The following ZNF790 variants were observed in gnomAD, a reference collection of about 807,000 sequenced individuals.
ZNF790 encodes zinc finger protein 790.
ZNF790 carries 8 observed loss-of-function variants against 12.1 expected under a neutral mutation model. That is an observed-to-expected ratio of 0.66 (90% confidence interval 0.39 to 1.19). The LOEUF (loss-of-function observed/expected upper bound fraction) is 1.19. Among genes scored for constraint, ZNF790 ranks in the 50% most tolerant of loss-of-function variants. The pLI, the probability that ZNF790 is intolerant of heterozygous loss-of-function variation, is 0.01. For missense variants in ZNF790, 707 were observed against 752.2 expected, an observed-to-expected ratio of 0.94 and a Z score of 0.70; for synonymous variants, 252 against 244.3, an observed-to-expected ratio of 1.03 and a Z score of -0.29.
chr19:36,820,014 G>A lies in ZNF790; in HGVS notation c.330C>T (p.His110=), dbSNP rs377686143. The change falls in exon 5 of 5, where the codon CAC becomes CAT. Residue 110 remains histidine, a synonymous_variant. Coordinates refer to ENST00000356725, the MANE Select transcript of ZNF790 (RefSeq NM_206894.4). ...CTCTAAAACATAAACAGTCAAGGCT[G>A]TGGTTTTTACAAATTCTCATTATTT... ...QLEIMRICKN[H]SLDCLCFRGD... The A allele has an allele frequency of 2.5e-5, 41 of 1,613,722 alleles. No individual in the cohort carries two copies. The African/African-American group carries it at 5.1e-4, about 20-fold the overall frequency.
chr19:36,845,485 T>C (rs2072172225), intron 1 of ZNF790, among the ~76,000 whole-genome samples: 2 of 151,774 alleles, frequency 1.3e-5, no homozygotes, highest in African/African-American at 2.4e-5. Flanking sequence ...GAATATTGAC[T>C]GCACAAAGTA....
chr19:36,835,409 G>A (rs1175612146), intron 1 of ZNF790, among the ~76,000 whole-genome samples: 3 of 152,190 alleles, frequency 2.0e-5, no homozygotes, highest in Non-Finnish European at 2.9e-5. Flanking sequence ...AGTTCACTAA[G>A]TTCCAAAGTT....
At chr19:36,823,917 CTG>C (rs2071733788) in intron 2 of ZNF790, 127 bp from the exon 3 acceptor site, 1 of 693,564 alleles carries the variant, frequency 1.4e-6, no homozygotes. Flanking sequence ...GGGCGAAAAA[CTG>C]GAGTTGGCTG....
At chr19:36,821,112 A>G (rs926637580) in intron 4 of ZNF790, among the ~76,000 whole-genome samples, 2 of 146,676 alleles carry the variant, frequency 1.4e-5, no homozygotes, top group African/African-American at 2.5e-5. Context: ...TTCAAGGGAG[A>G]AGGAGTCTGG....
intron 1 of ZNF790, among the ~76,000 whole-genome samples, chr19:36,845,063 A>AG (rs1184157591): frequency 2.0e-5 from 3 of 149,792 alleles, no homozygotes; most frequent in Non-Finnish European, 4.5e-5. Flanking sequence ...AAAAAAAAAA[A>AG]AAAAAAAAAA....
In ZNF790 at chr19:36,818,774, G is replaced by A. The variant is rs772141696; in HGVS notation, c.1570C>T (p.His524Tyr). 3.7e-6 allele frequency: 6 copies of A among 1,610,054 alleles called. No homozygotes were observed. Among genetic ancestry groups the A allele is most frequent in the Non-Finnish European group, 5.1e-6 (6 of 1,178,360 alleles). Residue 524 changes from histidine to tyrosine, a missense_variant, in exon 5 of 5, where the codon CAT (histidine) becomes TAT (tyrosine). His to Tyr is a moderately conservative substitution (Grantham distance 83, BLOSUM62 2). Transcript: ENST00000356725. The stretch of plus-strand genomic sequence containing the variant: ...TCCTCACCAGTATGCATTCTCTGAT[G>A]TCGAGTAAGTTGTGAACCCCAGAGA... ...AFLWGSQLTR[H>Y]QRMHTGEEPY...
At chr19:36,840,920 C>A (rs1343885771), upstream of ZNF790, among the ~76,000 whole-genome samples, 1 of 152,138 alleles carries the variant, frequency 6.6e-6, no homozygotes, top group Non-Finnish European at 1.5e-5. Context: ...CTTGAGGCTG[C>A]AGTGAACTGT....
chr19:36,837,416 G>A (rs1356965493), intron 1 of ZNF790, among the ~76,000 whole-genome samples: 1 of 152,002 alleles, frequency 6.6e-6, no homozygotes, highest in African/African-American at 2.4e-5. Flanking sequence ...ACAGATGGCC[G>A]GCCTCCTTGT....
chr19:36,836,743 C>T (rs998041259), intron 1 of ZNF790, among the ~76,000 whole-genome samples: 8 of 152,108 alleles, frequency 5.3e-5, no homozygotes, highest in Non-Finnish European at 8.8e-5. Flanking sequence ...GGTGACAGAA[C>T]AAGACTCTGT....
At chr19:36,822,818 G>T (rs559956328) in intron 4 of ZNF790, among the ~76,000 whole-genome samples, 3 of 152,006 alleles carry the variant, frequency 2.0e-5, no homozygotes, top group African/African-American at 7.2e-5. Flanking sequence ...GCAATTACAG[G>T]CGTGAGCCAC....
intron 2 of ZNF790, 50 bp from the exon 3 acceptor site, chr19:36,823,840 A>T: frequency 6.5e-7 from 1 of 1,542,718 alleles, no homozygotes; most frequent in South Asian, 1.2e-5. Flanking sequence ...TTTAAAAATA[A>T]TTATAATCCC....
At chr19:36,845,411 CAA>C (rs34007492) in intron 1 of ZNF790, among the ~76,000 whole-genome samples, 1 of 125,410 alleles carries the variant, frequency 8.0e-6, no homozygotes, top group Non-Finnish European at 1.7e-5. Context: ...TCCCTGTTTC[CAA>C]AAAAAAAAAA....
At chr19:36,823,949 T>C (rs1424249394) in intron 2 of ZNF790, 159 bp from the exon 3 acceptor site, 1 of 529,198 alleles carries the variant, frequency 1.9e-6, no homozygotes, top group Admixed American at 3.7e-5. Flanking sequence ...TCAGGGGAAA[T>C]GACATGGGAA....
At chr19:36,826,312 G>C (rs139344198) in intron 1 of ZNF790, among the ~76,000 whole-genome samples, 84 of 152,152 alleles carry the variant, frequency 5.5e-4, no homozygotes, top group African/African-American at 1.9e-3. Flanking sequence ...TTGGCCGGGC[G>C]TGGTGGCTCT....
chr19:36,827,139 C>CATATATATATAT (rs1292370504), intron 1 of ZNF790, among the ~76,000 whole-genome samples: 9 of 70,212 alleles, frequency 1.3e-4, no homozygotes, highest in East Asian at 4.9e-4. Context: ...CACACACACA[C>CATATATATATAT]ACATATATAT....
intron 1 of ZNF790, among the ~76,000 whole-genome samples, chr19:36,845,232 T>C (rs1042119016): frequency 1.3e-5 from 2 of 151,522 alleles, no homozygotes; most frequent in African/African-American, 4.8e-5. Context: ...GCCTGAGCAA[T>C]ATAGCAAGAC....
intron 1 of ZNF790, among the ~76,000 whole-genome samples, chr19:36,827,141 C>CACATATATATATATATATATAT (rs1313807327): frequency 9.5e-5 from 8 of 84,436 alleles, no homozygotes; most frequent in Non-Finnish European, 1.5e-4. Flanking sequence ...CACACACACA[C>CACATATATATATATATATATAT]ATATATATAT....
chr19:36,826,392 G>C (rs1004803751), intron 1 of ZNF790, among the ~76,000 whole-genome samples: 3 of 151,894 alleles, frequency 2.0e-5, no homozygotes, highest in African/African-American at 4.8e-5. Context: ...AGACCATCTT[G>C]GCCGACATGG....
intron 4 of ZNF790, among the ~76,000 whole-genome samples, chr19:36,822,874 A>T (rs2071705614): frequency 1.3e-5 from 2 of 150,954 alleles, no homozygotes; most frequent in Non-Finnish European, 2.9e-5. Flanking sequence ...CCCCTGAGAC[A>T]GAGTCTCACT....
Sources: gnomAD v4.1 joint callset for allele counts (sites outside exome capture counted in the v4.1 genomes callset) on GRCh38, gnomAD v4.1.1 for gene constraint, MANE v1.5 for transcripts, NCBI Gene and HGNC (gene_info 2026-07-23, HGNC 2026-07-21) for gene names.